The following ESR1 variants were observed in gnomAD, a reference collection of about 807,000 sequenced individuals.
The protein encoded by ESR1 is estrogen receptor.
ESR1 carries 12 observed loss-of-function variants against 52.7 expected under a neutral mutation model. That is an observed-to-expected ratio of 0.23 (90% CI 0.15 to 0.37). The LOEUF is 0.37. Among genes scored for constraint, ESR1 ranks in the 10% least tolerant of loss-of-function variants. The probability of loss-of-function intolerance (pLI) is 1.00; values close to 1 mark genes in which losing one functional copy is unlikely to be tolerated. For synonymous variants in ESR1, 305 were observed against 316.8 expected, an observed-to-expected ratio of 0.96 and a Z score of 0.39; for missense variants, 584 against 779.7, an observed-to-expected ratio of 0.75 and a Z score of 2.99.
At chr6:151,676,970 G>A (rs1293942) in intron 1 of ESR1, among the ~76,000 whole-genome samples, 41,171 of 151,932 alleles carry the variant, frequency 0.27, 6,184 homozygotes, top group East Asian at 0.41. Flanking sequence ...AAGACAAAGG[G>A]AGAATACCCA....
At chr6:151,898,742 A>G (rs887974087) in intron 3 of ESR1, among the ~76,000 whole-genome samples, 1 of 152,202 alleles carries the variant, frequency 6.6e-6, no homozygotes, top group Non-Finnish European at 1.5e-5. Flanking sequence ...ACAGGATCCC[A>G]AGGCAGAAGA....
At chr6:151,802,367 A>C (rs1294060374), upstream of ESR1, among the ~76,000 whole-genome samples, 1 of 152,264 alleles carries the variant, frequency 6.6e-6, no homozygotes, top group Non-Finnish European at 1.5e-5. Context: ...TACAATAATA[A>C]GTTTGAACAC....
intron 2 of ESR1, among the ~76,000 whole-genome samples, chr6:151,750,045 G>A (rs548684150): frequency 2.0e-5 from 3 of 152,178 alleles, no homozygotes; most frequent in African/African-American, 7.2e-5. Flanking sequence ...ATATAGATGG[G>A]TGTTATCAGA....
chr6:152,123,055 G>A (rs2051941574), intron 6 of ESR1, among the ~76,000 whole-genome samples: 4 of 152,136 alleles, frequency 2.6e-5, no homozygotes, highest in Admixed American at 2.6e-4. Flanking sequence ...GCATATTTTT[G>A]TTTTAAGAAT....
intron 3 of ESR1, among the ~76,000 whole-genome samples, chr6:151,913,535 C>T (rs1204282379): frequency 6.6e-6 from 1 of 152,226 alleles, no homozygotes; most frequent in Non-Finnish European, 1.5e-5. Flanking sequence ...GACAATTTAA[C>T]TGATATCCTT....
At chr6:152,054,455 G>A (rs572445618) in intron 5 of ESR1, among the ~76,000 whole-genome samples, 15 of 151,888 alleles carry the variant, frequency 9.9e-5, no homozygotes, top group Non-Finnish European at 1.5e-4. Flanking sequence ...GCTGTCTCAC[G>A]TCTTCTCTCC....
chr6:151,852,118 G>T (rs1786858930), intron 2 of ESR1, among the ~76,000 whole-genome samples: 2 of 152,112 alleles, frequency 1.3e-5, no homozygotes, highest in Non-Finnish European at 2.9e-5. Context: ...TGAATGACTT[G>T]GTCACCAAGA....
intron 4 of ESR1, among the ~76,000 whole-genome samples, chr6:151,960,433 G>C (rs1246459737): frequency 6.6e-6 from 1 of 152,200 alleles, no homozygotes; most frequent in African/African-American, 2.4e-5. Flanking sequence ...GAGATCTTTT[G>C]AGCAACACCT....
intron 5 of ESR1, among the ~76,000 whole-genome samples, chr6:152,044,984 G>C (rs1410386474): frequency 2.6e-5 from 4 of 152,190 alleles, no homozygotes; most frequent in Non-Finnish European, 5.9e-5. Context: ...TGTTATCTGA[G>C]AGTACATAAT....
chr6:151,681,433 A>G (rs933266896), intron 1 of ESR1, among the ~76,000 whole-genome samples: 15 of 150,540 alleles, frequency 1.0e-4, no homozygotes, highest in African/African-American at 3.7e-4. Context: ...GGGGAGGCTC[A>G]GGGGGAGCTG....
chr6:151,656,715 G>A (rs1777467901), exon 1 of ESR1: 1 of 152,082 alleles, frequency 6.6e-6, no homozygotes, highest in African/African-American at 2.4e-5. Context: ...TCCAAAATCT[G>A]ATACCAATCC....
rs144557773 is a variant in ESR1, at chr6:152,076,267, G to A, written c.1369+15143G>A. ...ATGAGATCTGATGGTTTTATCAGGG[G>A]TTTCCACTTTTATATCTTCCTCATT... is the stretch of plus-strand genomic sequence containing the variant. On this transcript the variant is annotated intron_variant, in intron 6 of 7. Transcript: ENST00000206249. Among the ~76,000 whole-genome samples, 182 of 152,262 alleles carry A rather than the reference G, an allele frequency of 1.2e-3. 1 individual carries two copies. The highest frequency in any genetic ancestry group is 3.2e-3 in the African/African-American group (134 of 41,548).
chr6:152,045,745 C>T (rs185636317), intron 5 of ESR1, among the ~76,000 whole-genome samples: 106 of 152,218 alleles, frequency 7.0e-4, no homozygotes, highest in African/African-American at 2.5e-3. Context: ...GGAGCTGAAT[C>T]GCCTAACCTA....
intron 2 of ESR1, among the ~76,000 whole-genome samples, chr6:151,849,352 G>T (rs1677091132): frequency 6.6e-6 from 1 of 152,136 alleles, no homozygotes; most frequent in South Asian, 2.1e-4. Flanking sequence ...AAGGGTCAGA[G>T]TCATGATAGA....
chr6:152,064,208 G>T (rs915792316), intron 6 of ESR1, among the ~76,000 whole-genome samples: 40 of 152,340 alleles, frequency 2.6e-4, no homozygotes, highest in South Asian at 2.1e-4. Flanking sequence ...GAACTAGCTG[G>T]ACAGAGCTGA....
intron 5 of ESR1, among the ~76,000 whole-genome samples, chr6:152,014,899 C>G (rs1043582187): frequency 6.6e-6 from 1 of 152,056 alleles, no homozygotes; most frequent in Non-Finnish European, 1.5e-5. Context: ...GAAACCCCAT[C>G]TCTACTAAAA....
intron 4 of ESR1, among the ~76,000 whole-genome samples, chr6:151,982,193 G>A (rs774589987): frequency 1.3e-5 from 2 of 152,178 alleles, no homozygotes; most frequent in African/African-American, 2.4e-5. Flanking sequence ...ACACCTAAAC[G>A]CCAGGGAAAA....
chr6:152,117,507 G>C (rs916115499), intron 6 of ESR1, among the ~76,000 whole-genome samples: 1 of 152,110 alleles, frequency 6.6e-6, no homozygotes, highest in African/African-American at 2.4e-5. Flanking sequence ...TCCCACTCTT[G>C]TATTAGGTAA....
chr6:151,681,907 G>A (rs1778475996), intron 1 of ESR1, among the ~76,000 whole-genome samples: 1 of 152,156 alleles, frequency 6.6e-6, no homozygotes, highest in African/African-American at 2.4e-5. Context: ...TCACCACGAG[G>A]TGCTGGGGTC....
Sources: allele counts gnomAD v4.1 joint callset (sites outside exome capture counted in the v4.1 genomes callset), GRCh38; gene constraint gnomAD v4.1.1; transcripts MANE v1.5; gene names NCBI Gene and HGNC (gene_info 2026-07-23, HGNC 2026-07-21).